Variants in ENTREP3 observed in about 807,000 individuals in gnomAD.
ENTREP3 encodes the protein endosomal transmembrane epsin interactor 3, also known as protein ENTREP3.
At chr1:155,250,531 C>G in the ENTREP3 span, 1 of 1,537,876 alleles carries the variant, frequency 6.5e-7, no homozygotes, top group Non-Finnish European at 8.7e-7. This position sits in a 1 kb window ranked among gnomAD's most constrained non-coding sequence, Gnocchi z 5.4. Flanking sequence ...CAGCTGCGGG[C>G]AGCTGTGGGG....
At chr1:155,252,280 C>G in the ENTREP3 span, among the ~76,000 whole-genome samples, 2 of 151,950 alleles carry the variant, frequency 1.3e-5, no homozygotes, top group Non-Finnish European at 2.9e-5. Context: ...TCACTGCAAC[C>G]CCCACCTCCC....
chr1:155,254,947 A>T, the ENTREP3 span: 1 of 1,270,486 alleles, frequency 7.9e-7, no homozygotes, highest in South Asian at 1.3e-5. This position sits in a 1 kb window ranked among gnomAD's most constrained non-coding sequence, Gnocchi z 4.4. Flanking sequence ...GAGGCGCCCA[A>T]GGCCCCGTCC....
chr1:155,249,302 G>T, the ENTREP3 span, among the ~76,000 whole-genome samples: 3 of 151,576 alleles, frequency 2.0e-5, no homozygotes. Context: ...TGTTAGCCAG[G>T]CTGGTCTCGA....
the ENTREP3 span, among the ~76,000 whole-genome samples, chr1:155,249,758 A>C: frequency 6.6e-6 from 1 of 152,030 alleles, no homozygotes; most frequent in African/African-American, 2.4e-5. Context: ...AGGCATCTGT[A>C]GTCCCAGCTA....
the ENTREP3 span, chr1:155,254,723 C>G: frequency 6.2e-7 from 1 of 1,613,650 alleles, no homozygotes; most frequent in Non-Finnish European, 8.5e-7. The surrounding 1 kb of genome is among the most constrained non-coding windows in gnomAD (Gnocchi z 4.4). Flanking sequence ...GGCCACCATG[C>G]TGAAGGTGAC....
At chr1:155,253,603 C>T in the ENTREP3 span, 1 of 1,574,840 alleles carries the variant, frequency 6.3e-7, no homozygotes, top group South Asian at 1.1e-5. Flanking sequence ...CCTGCGTGCC[C>T]TGGCCCCTGC....
the ENTREP3 span, chr1:155,253,917 C>G: frequency 6.2e-7 from 1 of 1,612,632 alleles, no homozygotes; most frequent in Non-Finnish European, 8.5e-7. Flanking sequence ...CAGTTCCTGC[C>G]CCGACTCTGG....
At chr1:155,248,916 A>G in the ENTREP3 span, among the ~76,000 whole-genome samples, 1 of 151,788 alleles carries the variant, frequency 6.6e-6, no homozygotes, top group Admixed American at 6.6e-5. Flanking sequence ...GGGTTTCACC[A>G]TGTTGGCTAG....
chr1:155,255,091 A>G, the ENTREP3 span: 21 of 591,668 alleles, frequency 3.5e-5, no homozygotes, highest in East Asian at 5.9e-4. The surrounding 1 kb of genome is among the most constrained non-coding windows in gnomAD (Gnocchi z 5.6). Flanking sequence ...CTCCCTCCCC[A>G]CCACGGGCAC....
chr1:155,252,518 C>T, the ENTREP3 span, among the ~76,000 whole-genome samples: 3 of 149,742 alleles, frequency 2.0e-5, no homozygotes, highest in South Asian at 2.1e-4. Context: ...TACAGGCACC[C>T]GCCACCACAC....
chr1:155,247,994 T>C, the ENTREP3 span: 1 of 1,612,578 alleles, frequency 6.2e-7, no homozygotes, highest in African/African-American at 1.3e-5. Context: ...TCAATAAGGC[T>C]CAATCTGAAG....
chr1:155,248,501 GGAGT>G, the ENTREP3 span: 3 of 1,603,544 alleles, frequency 1.9e-6, no homozygotes, highest in East Asian at 6.7e-5. Context: ...AGGGAGACAG[GGAGT>G]GAGTGGAAGT....
chr1:155,255,081 C>T, the ENTREP3 span: 3 of 599,162 alleles, frequency 5.0e-6, no homozygotes, highest in South Asian at 4.0e-5. The surrounding 1 kb of genome is among the most constrained non-coding windows in gnomAD (Gnocchi z 5.6). Flanking sequence ...CCGCGGAGTG[C>T]TCCCTCCCCA....
At chr1:155,248,236 C>G in the ENTREP3 span, 1 of 1,604,750 alleles carries the variant, frequency 6.2e-7, no homozygotes, top group Non-Finnish European at 8.5e-7. Context: ...TCTCGGCTGA[C>G]CGGGCACGTA....
At chr1:155,250,162 C>G in the ENTREP3 span, 1 of 885,180 alleles carries the variant, frequency 1.1e-6, no homozygotes, top group South Asian at 1.8e-5. This position sits in a 1 kb window ranked among gnomAD's most constrained non-coding sequence, Gnocchi z 5.4. Context: ...TGAACTCACC[C>G]TTTCTTCCTC....
At chr1:155,248,486 G>A in the ENTREP3 span, 1 of 1,612,182 alleles carries the variant, frequency 6.2e-7, no homozygotes, top group Non-Finnish European at 8.5e-7. Flanking sequence ...GGGGAGAAGA[G>A]AGAAAGGGAG....
chr1:155,254,852 C>T, the ENTREP3 span: 3 of 1,583,304 alleles, frequency 1.9e-6, no homozygotes, highest in South Asian at 2.3e-5. This position sits in a 1 kb window ranked among gnomAD's most constrained non-coding sequence, Gnocchi z 4.4. Flanking sequence ...CAGCGAGCGG[C>T]TGGAGTCACT....
the ENTREP3 span, among the ~76,000 whole-genome samples, chr1:155,249,884 TCAAAA>T: frequency 8.6e-6 from 1 of 116,834 alleles, no homozygotes; most frequent in African/African-American, 3.1e-5. Flanking sequence ...AGACACCGTC[TCAAAA>T]AAAAAAAAAA....
chr1:155,248,361 C>T, the ENTREP3 span: 1 of 1,613,072 alleles, frequency 6.2e-7, no homozygotes, highest in Non-Finnish European at 8.5e-7. Context: ...GGCTGGGCAG[C>T]CATGCCCAAT....
Sources: gnomAD v4.1 joint callset for allele counts (sites outside exome capture counted in the v4.1 genomes callset) on GRCh38, gnomAD v4.1.1 for gene constraint, Gnocchi (gnomAD v3.1) non-coding constraint, MANE v1.5 for transcripts, NCBI Gene and HGNC (gene_info 2026-07-23, HGNC 2026-07-21) for gene names.